LRRC9: variants seen among roughly 807,000 people sequenced by gnomAD.
LRRC9 encodes the protein leucine-rich repeat-containing protein 9.
Under a neutral mutation model 63.2 loss-of-function variants are expected in LRRC9, and 122 were observed. The ratio of observed to expected loss-of-function variants is 1.93; its 90% confidence interval spans 1.67 to 2.24. LRRC9 has a LOEUF of 2.24. Ranked by LOEUF, LRRC9 falls within the 30% of genes most tolerant of loss-of-function variation. LRRC9 has a pLI of 0.00. For missense variants in LRRC9, 1,071 were observed against 627.7 expected (o/e 1.71, Z -7.55); for synonymous variants, 366 against 213.1 (o/e 1.72, Z -6.25).
intron 15 of LRRC9, among the ~76,000 whole-genome samples, chr14:59,980,481 T>A (rs997491066): frequency 6.6e-6 from 1 of 152,200 alleles, no homozygotes; most frequent in Non-Finnish European, 1.5e-5. Flanking sequence ...TCTTAAACAG[T>A]ATCTTTTTCC....
chr14:60,044,404 T>G (rs1893232617), intron 29 of LRRC9, among the ~76,000 whole-genome samples: 1 of 152,200 alleles, frequency 6.6e-6, no homozygotes, highest in African/African-American at 2.4e-5. Flanking sequence ...TTTTGAAGAC[T>G]TTCAACTTTT....
intron 23 of LRRC9, among the ~76,000 whole-genome samples, chr14:60,010,163 C>A (rs1343646538): frequency 6.6e-6 from 1 of 152,204 alleles, no homozygotes; most frequent in Non-Finnish European, 1.5e-5. Flanking sequence ...GGGGCTCCAA[C>A]CCCACATTTC....
At chr14:59,991,257 TC>T (rs1378319668) in intron 17 of LRRC9, among the ~76,000 whole-genome samples, 2 of 152,354 alleles carry the variant, frequency 1.3e-5, no homozygotes, top group Admixed American at 6.5e-5. Context: ...ATGGACAATT[TC>T]TATGCCCTTC....
At chr14:59,999,112 G>T in exon 19 of LRRC9, 1 of 678,070 alleles carries the variant, frequency 1.5e-6, no homozygotes, top group Non-Finnish European at 2.7e-6. Context: ...CAGCCACATT[G>T]AGGCTGAGTG....
intron 29 of LRRC9, among the ~76,000 whole-genome samples, chr14:60,046,322 C>A (rs1185896643): frequency 6.6e-6 from 1 of 152,030 alleles, no homozygotes; most frequent in African/African-American, 2.4e-5. Context: ...TTGCTTTTGG[C>A]ATATTTGTCA....
rs74733660 is a variant in LRRC9, at chr14:60,060,463, G to A, written c.4276+2441G>A. 0.018 allele frequency among the ~76,000 whole-genome samples: 2,758 copies of A among 152,088 alleles called. 95 individuals are homozygous for A. The highest frequency in any genetic ancestry group is 0.15 in the East Asian group (770 of 5,160). ...CTACCATAGACAGTGATTCCTAACC[G>A]GGCGCGATGGCTCACGCTTGTAATC... On this transcript the variant is annotated intron_variant, in intron 31 of 31. Coordinates refer to ENST00000445360, the Ensembl canonical transcript of LRRC9. The surrounding 1 kb of genome is among the most constrained non-coding windows in gnomAD (Gnocchi z 4.0).
rs1170436451 is a variant in LRRC9, at chr14:60,003,794, A to G, written c.2838A>G (p.Ile946Met). 3 of 608,712 alleles carry G rather than the reference A, an allele frequency of 4.9e-6. No individual in the cohort carries two copies. The highest frequency in any genetic ancestry group is 1.9e-5 in the African/African-American group (1 of 52,368). The allele number at this position is 608,712 out of a possible 1,614,324, so 37.7% of individuals were successfully genotyped here. Reference sequence around the variant, plus strand: ...TAGATGGAAACTGCATCTCAAAGATAGAAGGTAAGGTACTTAAGAACTTTG... The same window carrying G: ...TAGATGGAAACTGCATCTCAAAGATGGAAGGTAAGGTACTTAAGAACTTTG... Residue 946 changes from isoleucine to methionine, a missense_variant, in exon 21 of 32, where the codon ATA (isoleucine) becomes ATG (methionine). Ile to Met is a conservative substitution (Grantham distance 10). Coordinates refer to ENST00000445360, the Ensembl canonical transcript of LRRC9. This position sits in a 1 kb window ranked among gnomAD's most constrained non-coding sequence, Gnocchi z 4.2.
chr14:60,010,168 C>A (rs1890147258), intron 23 of LRRC9, among the ~76,000 whole-genome samples: 1 of 152,206 alleles, frequency 6.6e-6, no homozygotes, highest in Non-Finnish European at 1.5e-5. Context: ...TCCAACCCCA[C>A]ATTTCTTTTT....
chr14:59,981,857 C>A (rs1481229634), exon 16 of LRRC9: 5 of 693,784 alleles, frequency 7.2e-6, no homozygotes, highest in African/African-American at 1.8e-5. Flanking sequence ...GGTCAAGGCA[C>A]CCTCTTTATT....
At chr14:59,957,255 AG>A (rs1883864458) in intron 8 of LRRC9, among the ~76,000 whole-genome samples, 1 of 152,140 alleles carries the variant, frequency 6.6e-6, no homozygotes, top group Non-Finnish European at 1.5e-5. Flanking sequence ...CATCACTTTC[AG>A]GGACCCCAAT....
chr14:60,053,966 G>A lies in LRRC9; in HGVS notation c.4131+761G>A, dbSNP rs1175621933. The A allele has an allele frequency of 1.1e-5, 5 of 447,878 alleles. No homozygotes were observed. In the East Asian group the frequency reaches 2.8e-4, roughly 25 times the overall value. The allele number at this position is 447,878 out of a possible 1,614,324, so 27.7% of individuals were successfully genotyped here. A position where few individuals can be genotyped will look rare whatever the true frequency, so the allele number is the denominator to read the frequency against. On this transcript the variant is annotated intron_variant, in intron 30 of 31. Coordinates refer to ENST00000445360, the Ensembl canonical transcript of LRRC9. This position sits in a 1 kb window ranked among gnomAD's most constrained non-coding sequence, Gnocchi z 4.8. ...CTCAGAGGCTTTTAGAATAATCCAAGAGAGATGTTATGAAGACCTGGACCA... is the reference window on the plus strand; with the variant it reads ...CTCAGAGGCTTTTAGAATAATCCAAAAGAGATGTTATGAAGACCTGGACCA...
rs1595067883 is a variant in LRRC9, at chr14:60,031,696, A to G, written c.3922-299A>G. Among the ~76,000 whole-genome samples, 6 of 152,134 alleles carry G rather than the reference A, an allele frequency of 3.9e-5. No individual in the cohort carries two copies. The highest frequency in any genetic ancestry group is 3.9e-4 in the Admixed American group (6 of 15,248). ...GCTGGAGGAATTAACCAAATATAAT[A>G]TGAGTCCTAGAATAAATCATAATTC... On this transcript the variant is annotated intron_variant, in intron 28 of 31. Coordinates refer to ENST00000445360, the Ensembl canonical transcript of LRRC9. This position sits in a 1 kb window ranked among gnomAD's most constrained non-coding sequence, Gnocchi z 4.6.
intron 26 of LRRC9, among the ~76,000 whole-genome samples, chr14:60,020,814 A>T (rs542147637): frequency 6.6e-6 from 1 of 151,956 alleles, no homozygotes; most frequent in South Asian, 2.1e-4. Context: ...CCTCCTTTTT[A>T]TTGCTGAATA....
rs1490752779 is a variant in LRRC9 at position 59,962,601 on chromosome 14, CCATGTTGG to C, written c.1211+1558_1211+1565del. Among the ~76,000 whole-genome samples the C allele has an allele frequency of 6.6e-6, 1 of 152,046 alleles. No homozygotes were observed. Among genetic ancestry groups the C allele is most frequent in the Non-Finnish European group, 1.5e-5 (1 of 68,000 alleles). On this transcript the variant is annotated intron_variant, in intron 10 of 31. Transcript: ENST00000445360. This position sits in a 1 kb window ranked among gnomAD's most constrained non-coding sequence, Gnocchi z 5.1. ...TATTTTTAGTGGAGACGGGGTTTTG[CCATGTTGG>C]CCAGGCTGGTCTCAAACTCCTGGCC...
At chr14:59,989,827 C>A (rs189469901) in intron 17 of LRRC9, among the ~76,000 whole-genome samples, 36 of 151,494 alleles carry the variant, frequency 2.4e-4, no homozygotes, top group Admixed American at 2.4e-3. Flanking sequence ...CTTCACAGAT[C>A]TTCCTCTTCT....
In LRRC9 at chr14:59,938,651, G is replaced by A. The variant is rs1881310336; in HGVS notation, c.726+79G>A. On this transcript the variant is annotated intron_variant, in intron 7 of 31. Coordinates refer to ENST00000445360, the Ensembl canonical transcript of LRRC9. The surrounding 1 kb of genome is among the most constrained non-coding windows in gnomAD (Gnocchi z 4.2). Reference sequence around the variant, plus strand: ...TTCTTTCTGGCCATGTCCACATACGGTAGGTAGGATTATCAGTTCAGTTCT... The same window carrying A: ...TTCTTTCTGGCCATGTCCACATACGATAGGTAGGATTATCAGTTCAGTTCT... 5.2e-6 allele frequency: 3 copies of A among 575,348 alleles called. No individual in the cohort carries two copies. In the South Asian group the frequency reaches 6.9e-5, roughly 13 times the overall value. The allele number at this position is 575,348 out of a possible 1,614,324, so 35.6% of individuals were successfully genotyped here.
chr14:59,975,740 A>T (rs1305617468), intron 13 of LRRC9, among the ~76,000 whole-genome samples: 1 of 152,212 alleles, frequency 6.6e-6, no homozygotes, highest in Non-Finnish European at 1.5e-5. Context: ...TATAAACATG[A>T]AGTATTAATG....
chr14:60,041,552 CAT>C (rs1892945226), intron 29 of LRRC9, among the ~76,000 whole-genome samples: 1 of 152,246 alleles, frequency 6.6e-6, no homozygotes, highest in Non-Finnish European at 1.5e-5. Context: ...GAAGCTTGTG[CAT>C]ATGTCACGCA....
chr14:60,025,669 A>C (rs539180824), intron 27 of LRRC9, among the ~76,000 whole-genome samples: 1 of 147,694 alleles, frequency 6.8e-6, no homozygotes, highest in Admixed American at 6.7e-5. Flanking sequence ...GGATTGTTAC[A>C]TATATTTTAC....
Sources: gnomAD v4.1 joint callset for allele counts (sites outside exome capture counted in the v4.1 genomes callset) on GRCh38, gnomAD v4.1.1 for gene constraint, Gnocchi (gnomAD v3.1) non-coding constraint, MANE v1.5 for transcripts, NCBI Gene and HGNC (gene_info 2026-07-23, HGNC 2026-07-21) for gene names.